The following FBXO34 variants were observed in gnomAD, a reference collection of about 807,000 sequenced individuals.
FBXO34 encodes the protein F-box only protein 34.
A neutral mutation model predicts 24.5 loss-of-function variants in FBXO34; 12 were observed. That is an observed-to-expected ratio of 0.49 (90% CI 0.31 to 0.79). FBXO34 has a LOEUF of 0.79. FBXO34 is among the 30% of genes least tolerant of loss of function. The pLI is 0.04. For synonymous variants in FBXO34, 320 were observed against 311.9 expected, an observed-to-expected ratio of 1.03 and a Z score of -0.27; for missense variants, 823 against 857.7, an observed-to-expected ratio of 0.96 and a Z score of 0.51.
chr14:55,273,420 A>G (rs1881225693), intron 1 of FBXO34, among the ~76,000 whole-genome samples: 2 of 152,206 alleles, frequency 1.3e-5, no homozygotes, highest in African/African-American at 2.4e-5. Flanking sequence ...ATTTGACAGC[A>G]TTGTGTGCGC....
chr14:55,390,762 A>T, the FBXO34 span: 1 of 606,498 alleles, frequency 1.6e-6, no homozygotes, highest in Non-Finnish European at 2.9e-6. Flanking sequence ...CAAATGTTTT[A>T]CAAGGAAAGA....
intron 1 of FBXO34, among the ~76,000 whole-genome samples, chr14:55,288,863 C>T (rs1261794237): frequency 6.6e-6 from 1 of 152,102 alleles, no homozygotes; most frequent in Non-Finnish European, 1.5e-5. Flanking sequence ...CCAGCTTGGC[C>T]AATGTGGTGA....
the FBXO34 span, among the ~76,000 whole-genome samples, chr14:55,429,720 C>A: frequency 7.3e-6 from 1 of 137,498 alleles, no homozygotes; most frequent in African/African-American, 2.7e-5. Context: ...GAGCTGAGAT[C>A]GCGCCATTGC....
downstream of FBXO34, among the ~76,000 whole-genome samples, chr14:55,371,636 CTACTAAAAA>C (rs370381915): frequency 2.2e-4 from 34 of 152,238 alleles, no homozygotes; most frequent in African/African-American, 7.9e-4. Context: ...AACCCTGTCT[CTACTAAAAA>C]TACAAAAAAT....
chr14:55,292,229 CTG>C (rs1455748875), intron 1 of FBXO34, among the ~76,000 whole-genome samples: 6 of 152,068 alleles, frequency 3.9e-5, no homozygotes, highest in Non-Finnish European at 7.4e-5. Context: ...TCTGCTTAAA[CTG>C]TAATTTTTTA....
chr14:55,371,782 C>T (rs1252864547), downstream of FBXO34, among the ~76,000 whole-genome samples: 2 of 151,468 alleles, frequency 1.3e-5, no homozygotes, highest in Middle Eastern at 3.5e-3. Context: ...CTAGCCTGGG[C>T]GACAGAGCGA....
intron 1 of FBXO34, among the ~76,000 whole-genome samples, chr14:55,314,525 T>G (rs181986595): frequency 7.9e-6 from 1 of 127,256 alleles, no homozygotes; most frequent in Non-Finnish European, 1.8e-5. Context: ...TCCCTGGGAA[T>G]GGATTGGGTA....
At chr14:55,411,087 A>G in the FBXO34 span, among the ~76,000 whole-genome samples, 9 of 152,222 alleles carry the variant, frequency 5.9e-5, no homozygotes, top group Non-Finnish European at 1.2e-4. Context: ...GGGCGTTAAC[A>G]GCAAGCCTCA....
chr14:55,407,925 C>T, the FBXO34 span, among the ~76,000 whole-genome samples: 3 of 151,980 alleles, frequency 2.0e-5, no homozygotes, highest in Non-Finnish European at 4.4e-5. Context: ...GCAGAAGAAA[C>T]GGCAAGGAAA....
chr14:55,404,868 C>T, the FBXO34 span, among the ~76,000 whole-genome samples: 2 of 152,190 alleles, frequency 1.3e-5, no homozygotes, highest in Non-Finnish European at 2.9e-5. Flanking sequence ...AAGTCAGCCA[C>T]AACACCCCTG....
the FBXO34 span, among the ~76,000 whole-genome samples, chr14:55,386,499 C>A: frequency 8.0e-4 from 122 of 152,284 alleles, no homozygotes; most frequent in African/African-American, 2.7e-3. Context: ...CTTAGGTGTG[C>A]CTTGGGCTAT....
chr14:55,423,644 C>T, the FBXO34 span, among the ~76,000 whole-genome samples: 3 of 152,194 alleles, frequency 2.0e-5, no homozygotes, highest in Admixed American at 6.5e-5. Context: ...AAAAATATTA[C>T]ATAACACACA....
At chr14:55,331,664 G>GGTGTGTGT (rs1346954796) in intron 1 of FBXO34, among the ~76,000 whole-genome samples, 1 of 67,072 alleles carries the variant, frequency 1.5e-5, no homozygotes, top group African/African-American at 9.3e-5. Context: ...ATACCAACAT[G>GGTGTGTGT]GTGTGTGTAT....
the FBXO34 span, among the ~76,000 whole-genome samples, chr14:55,383,729 C>A: frequency 2.8e-4 from 43 of 152,100 alleles, no homozygotes; most frequent in Non-Finnish European, 5.3e-4. Flanking sequence ...TGCACTCCAG[C>A]CTGGGCAACA....
At chr14:55,383,669 C>A in the FBXO34 span, among the ~76,000 whole-genome samples, 2 of 151,760 alleles carry the variant, frequency 1.3e-5, no homozygotes, top group Non-Finnish European at 2.9e-5. Flanking sequence ...TTTGGAAGGT[C>A]AAGGCAGGTG....
intron 1 of FBXO34, among the ~76,000 whole-genome samples, chr14:55,320,052 C>T (rs1311843123): frequency 6.6e-6 from 1 of 152,042 alleles, no homozygotes; most frequent in East Asian, 1.9e-4. Context: ...TAACAAATCA[C>T]CTTAAGTGAA....
downstream of FBXO34, among the ~76,000 whole-genome samples, chr14:55,364,591 A>AT (rs1293886460): frequency 6.3e-4 from 94 of 149,930 alleles, 1 homozygote; most frequent in Non-Finnish European, 1.0e-3. Context: ...CACCTGGCTA[A>AT]TTTTTTTTTG....
At chr14:55,281,112 G>T (rs963718414) in intron 1 of FBXO34, among the ~76,000 whole-genome samples, 2 of 151,518 alleles carry the variant, frequency 1.3e-5, no homozygotes, top group Non-Finnish European at 2.9e-5. Context: ...TATCCCTTTG[G>T]GCATGGTAGC....
downstream of FBXO34, among the ~76,000 whole-genome samples, chr14:55,364,767 T>C (rs1251433922): frequency 2.0e-5 from 3 of 146,458 alleles, no homozygotes; most frequent in Non-Finnish European, 3.0e-5. Flanking sequence ...GGTCTCACTC[T>C]GTCACCCAGG....
Sources: allele counts gnomAD v4.1 joint callset (sites outside exome capture counted in the v4.1 genomes callset), GRCh38; gene constraint gnomAD v4.1.1; transcripts MANE v1.5; gene names NCBI Gene and HGNC (gene_info 2026-07-23, HGNC 2026-07-21).